ZNRF2: variants seen among roughly 807,000 people sequenced by gnomAD.
ZNRF2 encodes the protein zinc and ring finger 2.
A neutral mutation model predicts 20.4 loss-of-function variants in ZNRF2; 16 were observed. The observed-to-expected ratio is 0.79, with a 90% CI of 0.53 to 1.19. The LOEUF (loss-of-function observed/expected upper bound fraction) is 1.19, where lower values mean the gene tolerates loss of function less well. Ranked by LOEUF, ZNRF2 falls within the 50% of genes most tolerant of loss-of-function variation. ZNRF2 has a pLI of 0.00. For missense variants in ZNRF2, 363 were observed against 332.4 expected (o/e 1.09, Z -0.72); for synonymous variants, 178 against 144.9 (o/e 1.23, Z -1.64).
intron 2 of ZNRF2, among the ~76,000 whole-genome samples, chr7:30,343,596 G>C (rs1036151482): frequency 6.6e-6 from 1 of 151,626 alleles, no homozygotes; most frequent in Non-Finnish European, 1.5e-5. Flanking sequence ...AAGCTCCTCT[G>C]TCTCCTTTAA....
chr7:30,350,938 T>C (rs1007876608), intron 2 of ZNRF2, among the ~76,000 whole-genome samples: 18 of 151,902 alleles, frequency 1.2e-4, no homozygotes, highest in Admixed American at 6.6e-5. Flanking sequence ...GTGATGATTA[T>C]GAAATTTTCG....
chr7:30,313,003 A>T (rs1799314443), intron 1 of ZNRF2, among the ~76,000 whole-genome samples: 1 of 152,216 alleles, frequency 6.6e-6, no homozygotes, highest in Non-Finnish European at 1.5e-5. Flanking sequence ...GATTATATGT[A>T]TACCTTACAG....
rs1393005849 is a variant in ZNRF2 at position 30,284,934 on chromosome 7, G to A, written c.-424G>A. The A allele has an allele frequency of 1.2e-5, 3 of 258,424 alleles. No individual in the cohort carries two copies. The highest frequency in any genetic ancestry group is 1.4e-3 in the Middle Eastern group (1 of 702). 16.0% of individuals were successfully genotyped at this position (258,424 alleles called of 1,614,324 possible). A position where few individuals can be genotyped will look rare whatever the true frequency, so the allele number is the denominator to read the frequency against. On this transcript the variant is annotated 5_prime_UTR_variant, in exon 1 of 5. The change abolishes an upstream ATG in the 5' untranslated region. Coordinates refer to ENST00000323037, the MANE Select transcript of ZNRF2 (RefSeq NM_147128.4). ...CCAGCCGCCGTGGGAGCCGGAGGAT[G>A]GCGGCGGTAGCAGCGGCCGCCCGAG...
chr7:30,336,526 G>A (rs1395816176), intron 2 of ZNRF2, among the ~76,000 whole-genome samples: 1 of 152,140 alleles, frequency 6.6e-6, no homozygotes, highest in Non-Finnish European at 1.5e-5. Flanking sequence ...AATAATGAAA[G>A]TATTGTAGGC....
chr7:30,356,786 A>G (rs1800046664), intron 3 of ZNRF2, among the ~76,000 whole-genome samples: 1 of 145,720 alleles, frequency 6.9e-6, no homozygotes, highest in African/African-American at 2.6e-5. Flanking sequence ...GCTCACTGCA[A>G]GCTCCGCCTC....
rs1467348024 is a variant in ZNRF2 at position 30,285,558 on chromosome 7, GGCCGCGGCGGCCCCGGCA to G, written c.205_222del (p.Ala69_Ala74del). The G allele has an allele frequency of 1.2e-5, 12 of 970,596 alleles. No homozygotes were observed. Among genetic ancestry groups the G allele is most frequent in the Admixed American group, 6.5e-5 (1 of 15,490 alleles). 60.1% of individuals were successfully genotyped at this position (970,596 alleles called of 1,614,324 possible). A position where few individuals can be genotyped will look rare whatever the true frequency, so the allele number is the denominator to read the frequency against. ...CCAGCGCCTCCGGCGGCGCCGCGGCGGCCGCGGCGGCCCCGGCAGCCCCGGCGGCCCCGCGCAGCCGCT... is the reference window on the plus strand; with the variant it reads ...CCAGCGCCTCCGGCGGCGCCGCGGCGGCCCCGGCGGCCCCGCGCAGCCGCT... On this transcript the variant is annotated inframe_deletion, in exon 1 of 5. Coordinates refer to ENST00000323037, the MANE Select transcript of ZNRF2 (RefSeq NM_147128.4).
intron 1 of ZNRF2, among the ~76,000 whole-genome samples, chr7:30,309,113 G>A (rs1286287815): frequency 6.6e-6 from 1 of 151,964 alleles, no homozygotes; most frequent in Non-Finnish European, 1.5e-5. Context: ...ATTACTGAGG[G>A]CCTTTTTACT....
At chr7:30,352,102 T>A (rs1449959236) in intron 2 of ZNRF2, among the ~76,000 whole-genome samples, 1 of 152,072 alleles carries the variant, frequency 6.6e-6, no homozygotes, top group African/African-American at 2.4e-5. Flanking sequence ...TAAAGTTTTT[T>A]CACACAATTC....
chr7:30,364,806 G>T (rs1281881396), intron 4 of ZNRF2, among the ~76,000 whole-genome samples: 1 of 152,144 alleles, frequency 6.6e-6, no homozygotes, highest in East Asian at 1.9e-4. Flanking sequence ...ATTTTGGGCT[G>T]CTATAACAAA....
intron 1 of ZNRF2, among the ~76,000 whole-genome samples, chr7:30,305,456 T>C (rs1312315796): frequency 6.6e-6 from 1 of 152,198 alleles, no homozygotes; most frequent in Non-Finnish European, 1.5e-5. Context: ...TTTATTTTCA[T>C]GTAGATAGTA....
At chr7:30,347,480 C>T in intron 2 of ZNRF2, among the ~76,000 whole-genome samples, 1 of 152,110 alleles carries the variant, frequency 6.6e-6, no homozygotes, top group Non-Finnish European at 1.5e-5. Flanking sequence ...GATTAGAGGA[C>T]ATTGACCAAG....
At chr7:30,325,924 C>G (rs907824522) in intron 2 of ZNRF2, among the ~76,000 whole-genome samples, 1 of 152,026 alleles carries the variant, frequency 6.6e-6, no homozygotes, top group African/African-American at 2.4e-5. Flanking sequence ...TTTTTCATAC[C>G]TGCTCCACTA....
chr7:30,308,598 T>C (rs1799244857), intron 1 of ZNRF2, among the ~76,000 whole-genome samples: 1 of 152,170 alleles, frequency 6.6e-6, no homozygotes, highest in South Asian at 2.1e-4. Flanking sequence ...GAACCACTGC[T>C]CTGGGATATA....
chr7:30,296,350 T>C (rs1463761527), intron 1 of ZNRF2, among the ~76,000 whole-genome samples: 4 of 152,238 alleles, frequency 2.6e-5, no homozygotes, highest in Non-Finnish European at 5.9e-5. Flanking sequence ...CAAAGTGTTA[T>C]CAATGTGAGC....
chr7:30,344,022 C>G (rs1251406896), intron 2 of ZNRF2, among the ~76,000 whole-genome samples: 10 of 149,612 alleles, frequency 6.7e-5, no homozygotes, highest in Non-Finnish European at 1.2e-4. Flanking sequence ...CAGGTTCAAG[C>G]GATTCCCCTG....
chr7:30,348,134 C>T (rs928057768), intron 2 of ZNRF2, among the ~76,000 whole-genome samples: 3 of 147,410 alleles, frequency 2.0e-5, no homozygotes, highest in East Asian at 2.0e-4. Context: ...GTGGCTGACA[C>T]GCACTTCCTG....
At chr7:30,359,120 A>G (rs1465414704) in intron 3 of ZNRF2, among the ~76,000 whole-genome samples, 1 of 152,210 alleles carries the variant, frequency 6.6e-6, no homozygotes, top group Non-Finnish European at 1.5e-5. Flanking sequence ...TTGCATTTGA[A>G]ATAAAAGTCA....
intron 1 of ZNRF2, among the ~76,000 whole-genome samples, chr7:30,295,417 C>T (rs887506439): frequency 1.8e-4 from 28 of 152,278 alleles, no homozygotes; most frequent in African/African-American, 6.5e-4. Flanking sequence ...GTTTTCTCAT[C>T]TCTAGAATCA....
chr7:30,287,426 GTTAATA>G (rs1449570623), intron 1 of ZNRF2, among the ~76,000 whole-genome samples: 1 of 152,192 alleles, frequency 6.6e-6, no homozygotes, highest in African/African-American at 2.4e-5. Flanking sequence ...CAAGTTAATA[GTTAATA>G]TTTATTTAAT....
Sources: gnomAD v4.1 joint callset for allele counts (sites outside exome capture counted in the v4.1 genomes callset) on GRCh38, gnomAD v4.1.1 for gene constraint, MANE v1.5 for transcripts, NCBI Gene and HGNC (gene_info 2026-07-23, HGNC 2026-07-21) for gene names.